LCA5: variants seen among roughly 807,000 people sequenced by gnomAD.
The protein encoded by LCA5 is lebercilin.
LCA5 carries 37 observed loss-of-function variants against 53.0 expected under a neutral mutation model. The ratio of observed to expected loss-of-function variants is 0.70; its 90% CI spans 0.54 to 0.92. LCA5 has a LOEUF of 0.92. Ranked by LOEUF, LCA5 falls within the 40% of genes least tolerant of loss-of-function variation. The pLI, the probability that LCA5 is intolerant of heterozygous loss-of-function variation, is 0.00. For missense variants in LCA5, 806 were observed against 790.5 expected, an observed-to-expected ratio of 1.02 and a Z score of -0.23; for synonymous variants, 303 against 282.9, an observed-to-expected ratio of 1.07 and a Z score of -0.71.
rs191788574 is a variant in LCA5, at chr6:79,497,705, C to T, written c.721-3955G>A. On this transcript the variant is annotated intron_variant, in intron 3 of 7. Coordinates refer to ENST00000369846, the MANE Select transcript of LCA5 (RefSeq NM_001122769.3). ...TAAAAGATACAATGATGGCCAGGTG[C>T]GGTGGCTCATGCCTGTAATCCCACT... 3.4e-4 allele frequency among the ~76,000 whole-genome samples: 51 copies of T among 152,190 alleles called. 1 individual carries two copies. The highest frequency in any genetic ancestry group is 1.1e-3 in the African/African-American group (47 of 41,530).
intron 3 of LCA5, among the ~76,000 whole-genome samples, chr6:79,512,796 T>G (rs952930542): frequency 2.0e-5 from 3 of 152,064 alleles, no homozygotes; most frequent in Non-Finnish European, 4.4e-5. Context: ...GGGGAGGAGG[T>G]GCATTCCATG....
At chr6:79,503,755 A>T (rs1770204195) in intron 3 of LCA5, among the ~76,000 whole-genome samples, 1 of 152,186 alleles carries the variant, frequency 6.6e-6, no homozygotes, top group Non-Finnish European at 1.5e-5. Context: ...CACATCATAA[A>T]GCTGGAATGG....
chr6:79,503,595 T>C (rs1349930609), intron 3 of LCA5, among the ~76,000 whole-genome samples: 1 of 152,210 alleles, frequency 6.6e-6, no homozygotes. Flanking sequence ...TTTAGTATAT[T>C]TCTCTTTTTC....
chr6:79,493,773 A>G, intron 3 of LCA5, 23 bp from the exon 4 acceptor site: 1 of 1,578,674 alleles, frequency 6.3e-7, no homozygotes, highest in Non-Finnish European at 8.6e-7. Context: ...ATACATAAAA[A>G]GCAGTCCTTT....
At chr6:79,529,520 GA>G (rs1766891885) in intron 1 of LCA5, among the ~76,000 whole-genome samples, 1 of 152,054 alleles carries the variant, frequency 6.6e-6, no homozygotes, top group East Asian at 1.9e-4. Flanking sequence ...AGAGGAAGGA[GA>G]TGGGGTAATC....
intron 1 of LCA5, among the ~76,000 whole-genome samples, chr6:79,520,919 C>A (rs998398658): frequency 6.6e-6 from 1 of 151,994 alleles, no homozygotes; most frequent in African/African-American, 2.4e-5. Flanking sequence ...AAGGAGAAAT[C>A]AAATAATTAA....
At chr6:79,538,035 T>G (rs1767210726), upstream of LCA5, among the ~76,000 whole-genome samples, 1 of 137,006 alleles carries the variant, frequency 7.3e-6, no homozygotes, top group East Asian at 2.1e-4. Flanking sequence ...TTTTTTTTTT[T>G]TTTTTTTTTT....
At chr6:79,504,540 T>C (rs184113556) in intron 3 of LCA5, among the ~76,000 whole-genome samples, 160 of 152,272 alleles carry the variant, frequency 1.1e-3, no homozygotes, top group African/African-American at 3.7e-3. Context: ...TACTTGAACA[T>C]AGTTTGAATA....
intron 3 of LCA5, among the ~76,000 whole-genome samples, chr6:79,511,376 G>T (rs1370121336): frequency 6.6e-6 from 1 of 152,152 alleles, no homozygotes; most frequent in Non-Finnish European, 1.5e-5. Flanking sequence ...CAAAAGGTTA[G>T]ATACTGTGTG....
At position 79,487,264 on chromosome 6, in the gene LCA5, T is replaced by C. The variant is rs1255137950; in HGVS notation, c.1834A>G (p.Ser612Gly). The change falls in exon 8 of 8, where the codon AGT becomes GGT. Residue 612 changes from serine to glycine, a missense_variant. Physicochemically the swap from Ser to Gly is moderately conservative, Grantham distance 56. Transcript: ENST00000369846. ...ANLMEQLFGA[S>G]GSSTISSKSS... ...TTGGAGGAAATGGTGCTGCTACCAC[T>C]GGCACCAAATAACTGTTCCATCAAA... is the stretch of plus-strand genomic sequence containing the variant. The C allele has an allele frequency of 1.2e-6, 2 of 1,614,118 alleles. No homozygotes were observed. The highest frequency in any genetic ancestry group is 1.7e-6 in the Non-Finnish European group (2 of 1,179,974).
At chr6:79,518,352 T>C (rs546665586) in intron 2 of LCA5, among the ~76,000 whole-genome samples, 1 of 152,198 alleles carries the variant, frequency 6.6e-6, no homozygotes, top group Non-Finnish European at 1.5e-5. Flanking sequence ...TTTTTCTACT[T>C]TCAAAAAATG....
intron 3 of LCA5, among the ~76,000 whole-genome samples, chr6:79,497,970 A>G (rs183561720): frequency 0.025 from 3,836 of 151,778 alleles, 60 homozygotes; most frequent in Middle Eastern, 0.068. Flanking sequence ...AAAAAAAAAA[A>G]AAAGAAAGAT....
At chr6:79,495,605 G>T (rs1381537252) in intron 3 of LCA5, among the ~76,000 whole-genome samples, 1 of 151,966 alleles carries the variant, frequency 6.6e-6, no homozygotes, top group East Asian at 1.9e-4. Context: ...CAAAAAATTA[G>T]CCAGGTGTGG....
intron 1 of LCA5, among the ~76,000 whole-genome samples, chr6:79,522,045 A>G (rs1766640158): frequency 1.3e-5 from 2 of 152,082 alleles, no homozygotes; most frequent in Non-Finnish European, 2.9e-5. Flanking sequence ...ACAAAAACCT[A>G]ATTATTCACC....
intron 3 of LCA5, among the ~76,000 whole-genome samples, 168 bp from the exon 4 acceptor site, chr6:79,493,918 T>A (rs1049394780): frequency 6.6e-6 from 1 of 152,086 alleles, no homozygotes; most frequent in Admixed American, 6.6e-5. Flanking sequence ...TACCAACAAT[T>A]TAGTAAGGTA....
Position 79,529,703 on chromosome 6 carries a change from C to T in LCA5, c.-192+7462G>A, listed in dbSNP as rs561900101. On this transcript the variant is annotated intron_variant, in intron 1 of 7. Coordinates refer to ENST00000369846, the MANE Select transcript of LCA5 (RefSeq NM_001122769.3). ...ACAATAGCAAAGACTTGGAACCAACCCAAATGTCCAACAATGATAGACTGG... is the reference window on the plus strand; with the variant it reads ...ACAATAGCAAAGACTTGGAACCAACTCAAATGTCCAACAATGATAGACTGG... Among the ~76,000 whole-genome samples the T allele has an allele frequency of 1.8e-3, 270 of 151,712 alleles. 2 individuals carry two copies. The highest frequency in any genetic ancestry group is 6.2e-3 in the African/African-American group (257 of 41,412).
At position 79,486,928 on chromosome 6, in the gene LCA5, G is replaced by C; in HGVS notation, c.*76C>G. 3 of 1,214,518 alleles carry C rather than the reference G, an allele frequency of 2.5e-6. No homozygotes were observed. The South Asian group carries it at 4.4e-5, about 18-fold the overall frequency. The allele number at this position is 1,214,518 out of a possible 1,614,324, so 75.2% of individuals were successfully genotyped here. A position where few individuals can be genotyped will look rare whatever the true frequency, so the allele number is the denominator to read the frequency against. On this transcript the variant is annotated 3_prime_UTR_variant, in exon 8 of 8. Transcript: ENST00000369846. ...AATAAGGACATTTTAGCATTAAAAA[G>C]TCTAAATGTTTATAATAAATACTGT... is the stretch of plus-strand genomic sequence containing the variant.
intron 3 of LCA5, among the ~76,000 whole-genome samples, chr6:79,495,038 C>T (rs561617082): frequency 2.0e-5 from 3 of 152,310 alleles, no homozygotes; most frequent in East Asian, 1.9e-4. Context: ...TGGTAGGAAC[C>T]GGGCTTGCAC....
At position 79,534,301 on chromosome 6, in the gene LCA5, A is replaced by G. The variant is rs866811972; in HGVS notation, c.-192+2864T>C. 8.5e-5 allele frequency among the ~76,000 whole-genome samples: 13 copies of G among 152,058 alleles called. No individual in the cohort carries two copies. In the South Asian group the frequency reaches 1.2e-3, roughly 15 times the overall value. ...GTAAATGCTACATTTGAAATGTAAGACATAATCAGCTTATTTTAAACATTT... is the reference window on the plus strand; with the variant it reads ...GTAAATGCTACATTTGAAATGTAAGGCATAATCAGCTTATTTTAAACATTT... On this transcript the variant is annotated intron_variant, in intron 1 of 7. Transcript: ENST00000369846.
Sources: gnomAD v4.1 joint callset for allele counts (sites outside exome capture counted in the v4.1 genomes callset) on GRCh38, gnomAD v4.1.1 for gene constraint, MANE v1.5 for transcripts, NCBI Gene and HGNC (gene_info 2026-07-23, HGNC 2026-07-21) for gene names.